The following ATAD2B variants were observed in gnomAD, a reference collection of about 807,000 sequenced individuals.
The protein encoded by ATAD2B is ATPase family AAA domain containing 2B.
ATAD2B carries 40 observed loss-of-function variants against 167.6 expected under a neutral mutation model. The ratio of observed to expected loss-of-function variants is 0.24; its 90% CI spans 0.19 to 0.31. The LOEUF (loss-of-function observed/expected upper bound fraction) is 0.31. ATAD2B is among the 10% of genes least tolerant of loss of function. ATAD2B has a pLI of 1.00. For synonymous variants in ATAD2B, 579 were observed against 596.5 expected, an observed-to-expected ratio of 0.97 and a Z score of 0.43; for missense variants, 1,242 against 1,757.2, an observed-to-expected ratio of 0.71 and a Z score of 5.24.
intron 1 of ATAD2B, among the ~76,000 whole-genome samples, chr2:23,910,927 G>A (rs990870327): frequency 3.3e-5 from 5 of 150,730 alleles, no homozygotes; most frequent in African/African-American, 7.3e-5. Flanking sequence ...TAAAGAGTCT[G>A]TAGTTAAAGG....
chr2:23,876,599 C>T (rs1277116482), intron 7 of ATAD2B, among the ~76,000 whole-genome samples: 1 of 152,086 alleles, frequency 6.6e-6, no homozygotes, highest in Non-Finnish European at 1.5e-5. Flanking sequence ...TGTGCCCGGC[C>T]CCTGTTAACT....
intron 5 of ATAD2B, 37 bp downstream of exon 5, chr2:23,885,690 A>C (rs770469635): frequency 3.1e-6 from 4 of 1,278,954 alleles, no homozygotes; most frequent in Non-Finnish European, 4.4e-6. Context: ...TTAAAATGAA[A>C]AATATTTACA....
chr2:23,705,230 C>T, the ATAD2B span, among the ~76,000 whole-genome samples: 158 of 152,324 alleles, frequency 1.0e-3, no homozygotes, highest in African/African-American at 3.5e-3. Flanking sequence ...CAGTGGCTCA[C>T]GCCTGTAATC....
intron 13 of ATAD2B, among the ~76,000 whole-genome samples, chr2:23,839,337 G>GA (rs972384521): frequency 6.6e-6 from 1 of 152,072 alleles, no homozygotes; most frequent in Admixed American, 6.5e-5. Context: ...CATATTATAA[G>GA]AAAAGATTTC....
intron 1 of ATAD2B, among the ~76,000 whole-genome samples, chr2:23,898,850 A>G (rs1700442904): frequency 6.6e-6 from 1 of 152,132 alleles, no homozygotes; most frequent in African/African-American, 2.4e-5. Flanking sequence ...AAAAAACTTA[A>G]AAATAAAAAT....
intron 14 of ATAD2B, among the ~76,000 whole-genome samples, chr2:23,833,404 TATATC>T (rs916229441): frequency 1.1e-4 from 16 of 152,150 alleles, no homozygotes; most frequent in African/African-American, 3.6e-4. Context: ...AAAAAATTTG[TATATC>T]ATATAACATT....
chr2:23,800,333 A>G (rs1683286265), intron 18 of ATAD2B, among the ~76,000 whole-genome samples: 1 of 152,222 alleles, frequency 6.6e-6, no homozygotes, highest in Non-Finnish European at 1.5e-5. Context: ...AGAGATAGGA[A>G]AACATGCCTT....
At chr2:23,875,112 G>A (rs2150142993) in intron 8 of ATAD2B, among the ~76,000 whole-genome samples, 1 of 151,640 alleles carries the variant, frequency 6.6e-6, no homozygotes, top group African/African-American at 2.4e-5. Flanking sequence ...AACTTGAATG[G>A]ATGCTTCAAA....
intron 1 of ATAD2B, among the ~76,000 whole-genome samples, chr2:23,912,170 TG>T (rs893449527): frequency 6.6e-6 from 1 of 152,042 alleles, no homozygotes; most frequent in African/African-American, 2.4e-5. Flanking sequence ...CTGAACACAA[TG>T]GAATTAAGCT....
the ATAD2B span, among the ~76,000 whole-genome samples, chr2:23,679,983 G>C: frequency 2.0e-5 from 3 of 152,218 alleles, no homozygotes; most frequent in East Asian, 5.8e-4. Context: ...CCTGGGAGTG[G>C]AGGAGGAGCG....
At chr2:23,922,400 A>G (rs536819203) in intron 1 of ATAD2B, among the ~76,000 whole-genome samples, 1 of 152,236 alleles carries the variant, frequency 6.6e-6, no homozygotes, top group East Asian at 1.9e-4. Flanking sequence ...CACAGTATAC[A>G]GGAGTAATCA....
chr2:23,800,174 A>ACT (rs1683253274), intron 18 of ATAD2B, among the ~76,000 whole-genome samples: 1 of 152,018 alleles, frequency 6.6e-6, no homozygotes, highest in Non-Finnish European at 1.5e-5. Context: ...CCAGTTCCCC[A>ACT]CTCTGTGCTG....
intron 1 of ATAD2B, among the ~76,000 whole-genome samples, chr2:23,925,894 T>C (rs1045718855): frequency 3.9e-5 from 6 of 152,206 alleles, no homozygotes; most frequent in African/African-American, 1.2e-4. Flanking sequence ...TTCTGTGACC[T>C]GAAAGCTCTG....
intron 16 of ATAD2B, among the ~76,000 whole-genome samples, chr2:23,820,182 C>A (rs1005693955): frequency 4.0e-5 from 6 of 151,434 alleles, no homozygotes; most frequent in African/African-American, 9.7e-5. Flanking sequence ...CATAAAATCC[C>A]ACCTATTTAA....
chr2:23,823,007 T>C (rs1687698610), intron 16 of ATAD2B, among the ~76,000 whole-genome samples: 2 of 150,710 alleles, frequency 1.3e-5, no homozygotes, highest in Non-Finnish European at 1.5e-5. Context: ...TACAGTCAAC[T>C]TTCTAAAGAT....
intron 18 of ATAD2B, among the ~76,000 whole-genome samples, chr2:23,806,489 A>G (rs1279358792): frequency 6.6e-6 from 1 of 152,120 alleles, no homozygotes; most frequent in Non-Finnish European, 1.5e-5. Flanking sequence ...TTACACCCTT[A>G]CAATTTTGGT....
At chr2:23,710,993 G>A in the ATAD2B span, among the ~76,000 whole-genome samples, 2 of 152,234 alleles carry the variant, frequency 1.3e-5, no homozygotes, top group East Asian at 1.9e-4. Flanking sequence ...CACTGGCTGC[G>A]TGAAGCCTTC....
rs915806997 is a variant in ATAD2B at position 23,750,939 on chromosome 2, C to T, written c.*1107G>A. On this transcript the variant is annotated 3_prime_UTR_variant, in exon 28 of 28. Coordinates refer to ENST00000238789, the MANE Select transcript of ATAD2B (RefSeq NM_017552.4). ...GTTATTCAAGGACCATACCAGAGCTCGTTTGCAATTAAGCATACAGAAAAT... is the reference window on the plus strand; with the variant it reads ...GTTATTCAAGGACCATACCAGAGCTTGTTTGCAATTAAGCATACAGAAAAT... The T allele has an allele frequency of 6.6e-6, 1 of 152,092 alleles. No individual in the cohort carries two copies. Among genetic ancestry groups the T allele is most frequent in the African/African-American group, 2.4e-5 (1 of 41,422 alleles). 9.4% of individuals were successfully genotyped at this position (152,092 alleles called of 1,614,324 possible).
the ATAD2B span, among the ~76,000 whole-genome samples, chr2:23,682,603 C>A: frequency 6.6e-6 from 1 of 152,226 alleles, no homozygotes; most frequent in Non-Finnish European, 1.5e-5. The surrounding 1 kb of genome is among the most constrained non-coding windows in gnomAD (Gnocchi z 4.1). Context: ...GCCCCGCCCA[C>A]CGCCTCATTG....
Sources: gnomAD v4.1 joint callset for allele counts (sites outside exome capture counted in the v4.1 genomes callset) on GRCh38, gnomAD v4.1.1 for gene constraint, Gnocchi (gnomAD v3.1) non-coding constraint, MANE v1.5 for transcripts, NCBI Gene and HGNC (gene_info 2026-07-23, HGNC 2026-07-21) for gene names.